SKAP2: variants seen among roughly 807,000 people sequenced by gnomAD.
SKAP2 encodes the protein src kinase-associated phosphoprotein 2.
SKAP2 carries 28 observed loss-of-function variants against 54.9 expected under a neutral mutation model. The ratio of observed to expected loss-of-function variants is 0.51; its 90% CI spans 0.38 to 0.70. The LOEUF is 0.70. Ranked by LOEUF, SKAP2 falls within the 30% of genes least tolerant of loss-of-function variation. The pLI is 0.00. For missense variants in SKAP2, 356 were observed against 424.1 expected, an observed-to-expected ratio of 0.84 and a Z score of 1.41; for synonymous variants, 137 against 134.3, an observed-to-expected ratio of 1.02 and a Z score of -0.14.
At chr7:26,830,268 T>A (rs10241234) in intron 4 of SKAP2, among the ~76,000 whole-genome samples, 31,980 of 151,826 alleles carry the variant, frequency 0.21, 3,394 homozygotes, top group Non-Finnish European at 0.23. Context: ...AAACTGAGAG[T>A]GACTACTCAT....
intron 10 of SKAP2, among the ~76,000 whole-genome samples, chr7:26,687,918 C>A (rs1466923453): frequency 6.6e-6 from 1 of 151,744 alleles, no homozygotes; most frequent in Non-Finnish European, 1.5e-5. Flanking sequence ...ACATCATGAT[C>A]TATATTTTAA....
At chr7:26,722,711 T>C (rs895840036) in intron 9 of SKAP2, among the ~76,000 whole-genome samples, 3 of 152,216 alleles carry the variant, frequency 2.0e-5, no homozygotes, top group East Asian at 3.9e-4. Flanking sequence ...GCCCAGCCCA[T>C]TGCAATTTTT....
At chr7:26,765,202 G>A (rs142583920) in intron 4 of SKAP2, among the ~76,000 whole-genome samples, 5,657 of 152,228 alleles carry the variant, frequency 0.037, 136 homozygotes, top group Middle Eastern at 0.061. Flanking sequence ...TCTCATTGTG[G>A]TTTTGATTTG....
At chr7:26,666,021 C>G (rs1786100208), downstream of SKAP2, among the ~76,000 whole-genome samples, 1 of 151,712 alleles carries the variant, frequency 6.6e-6, no homozygotes, top group Admixed American at 6.6e-5. Flanking sequence ...ACAAAGTATT[C>G]TTTCAACCTT....
At chr7:26,849,409 C>T (rs951633798) in intron 3 of SKAP2, among the ~76,000 whole-genome samples, 5 of 151,908 alleles carry the variant, frequency 3.3e-5, no homozygotes, top group Non-Finnish European at 5.9e-5. Flanking sequence ...GACACTAGGC[C>T]GGGCACAGTG....
chr7:26,698,242 A>C (rs1786937556), intron 9 of SKAP2, among the ~76,000 whole-genome samples: 2 of 152,220 alleles, frequency 1.3e-5, no homozygotes, highest in South Asian at 4.1e-4. Context: ...AGAAAGAAAA[A>C]GCACAGTTTC....
intron 4 of SKAP2, among the ~76,000 whole-genome samples, chr7:26,818,169 G>A (rs1390031358): frequency 2.0e-5 from 3 of 152,018 alleles, no homozygotes; most frequent in Admixed American, 6.6e-5. Flanking sequence ...GAGGCATGAC[G>A]CTACCTGACT....
chr7:26,838,008 T>G (rs1267754512), intron 4 of SKAP2, among the ~76,000 whole-genome samples: 2 of 152,210 alleles, frequency 1.3e-5, no homozygotes, highest in Non-Finnish European at 2.9e-5. Context: ...CTCTCTATTT[T>G]AGGTTTCCTC....
At chr7:26,832,522 G>T (rs969950921) in intron 4 of SKAP2, among the ~76,000 whole-genome samples, 3 of 152,104 alleles carry the variant, frequency 2.0e-5, no homozygotes, top group African/African-American at 7.2e-5. Context: ...CCTTTTGTTT[G>T]TTTTTAAAGA....
intron 1 of SKAP2, chr7:26,857,540 A>G: frequency 1.0e-6 from 1 of 985,408 alleles, no homozygotes; most frequent in South Asian, 4.7e-5. Flanking sequence ...TGTCTGAGCA[A>G]CACACCGATC....
chr7:26,709,804 C>A (rs970286080), intron 9 of SKAP2, among the ~76,000 whole-genome samples: 2 of 152,100 alleles, frequency 1.3e-5, no homozygotes, highest in African/African-American at 4.8e-5. Flanking sequence ...GACTAGCCTG[C>A]CATAGGGAAC....
intron 4 of SKAP2, among the ~76,000 whole-genome samples, chr7:26,769,978 C>T (rs961495240): frequency 6.6e-6 from 1 of 152,208 alleles, no homozygotes; most frequent in African/African-American, 2.4e-5. Flanking sequence ...AGCTTGAGAG[C>T]TGTGCTGGGA....
chr7:26,854,760 A>G, intron 2 of SKAP2, 25 bp downstream of exon 2: 1 of 1,562,704 alleles, frequency 6.4e-7, no homozygotes, highest in Non-Finnish European at 8.7e-7. Context: ...GTAAGAAATC[A>G]GTAAACAAAA....
chr7:26,843,013 C>A (rs186810052), intron 4 of SKAP2, among the ~76,000 whole-genome samples: 13 of 151,970 alleles, frequency 8.6e-5, no homozygotes, highest in Admixed American at 7.9e-4. Context: ...TTGTTTTGTA[C>A]TGAATCACTG....
At chr7:26,699,940 G>A (rs1786986548) in intron 9 of SKAP2, among the ~76,000 whole-genome samples, 1 of 152,104 alleles carries the variant, frequency 6.6e-6, no homozygotes, top group African/African-American at 2.4e-5. Context: ...ATTGACCAAA[G>A]TCCGTATGTG....
At chr7:26,747,808 C>CCCT (rs1782589260) in intron 4 of SKAP2, among the ~76,000 whole-genome samples, 3 of 151,314 alleles carry the variant, frequency 2.0e-5, no homozygotes, top group Non-Finnish European at 4.4e-5. Flanking sequence ...TCCCCTTTCT[C>CCCT]CTCCCTCTCC....
chr7:26,808,646 TAAAA>T (rs57210622), intron 4 of SKAP2, among the ~76,000 whole-genome samples: 1 of 150,770 alleles, frequency 6.6e-6, no homozygotes, highest in Non-Finnish European at 1.5e-5. Flanking sequence ...TTTACCATAA[TAAAA>T]AAAAAGGAAG....
chr7:26,828,962 G>A (rs992465282), intron 4 of SKAP2, among the ~76,000 whole-genome samples: 1 of 152,072 alleles, frequency 6.6e-6, no homozygotes, highest in Non-Finnish European at 1.5e-5. Flanking sequence ...AGTGGGGGCA[G>A]AGGTTGCGGT....
chr7:26,753,433 G>T (rs1177531661), intron 4 of SKAP2, among the ~76,000 whole-genome samples: 2 of 152,038 alleles, frequency 1.3e-5, no homozygotes, highest in East Asian at 3.9e-4. Context: ...TGTAAAATAT[G>T]GTCTAAGCTA....
Sources: gnomAD v4.1 joint callset for allele counts (sites outside exome capture counted in the v4.1 genomes callset) on GRCh38, gnomAD v4.1.1 for gene constraint, MANE v1.5 for transcripts, NCBI Gene and HGNC (gene_info 2026-07-23, HGNC 2026-07-21) for gene names.